Variants in GALNT13 observed in about 807,000 individuals in gnomAD.
GALNT13 encodes UDP-GalNAc:polypeptide N-acetylgalactosaminyltransferase 13.
A neutral mutation model predicts 64.2 loss-of-function variants in GALNT13; 28 were observed. The ratio of observed to expected loss-of-function variants is 0.44; its 90% CI spans 0.32 to 0.60. GALNT13 has a LOEUF of 0.60. Among genes scored for constraint, GALNT13 ranks in the 20% least tolerant of loss-of-function variants. The pLI is 0.05. For synonymous variants in GALNT13, 214 were observed against 224.6 expected (o/e 0.95, Z 0.42); for missense variants, 577 against 669.8 (o/e 0.86, Z 1.53).
At chr2:154,063,984 G>A (rs1198507694) in intron 3 of GALNT13, among the ~76,000 whole-genome samples, 1 of 152,172 alleles carries the variant, frequency 6.6e-6, no homozygotes, top group Admixed American at 6.5e-5. Context: ...ACAGAAGAGG[G>A]TAGGAAAGAA....
chr2:154,448,360 G>A (rs541249919), intron 12 of GALNT13, among the ~76,000 whole-genome samples: 2 of 152,036 alleles, frequency 1.3e-5, no homozygotes, highest in Non-Finnish European at 2.9e-5. Context: ...TTGACTGAAG[G>A]TCAAATTTTT....
intron 12 of GALNT13, among the ~76,000 whole-genome samples, chr2:154,448,140 A>C (rs957855460): frequency 3.9e-5 from 6 of 152,090 alleles, no homozygotes; most frequent in Non-Finnish European, 7.4e-5. Flanking sequence ...CCATAGGCCT[A>C]GCTTCCAGGA....
intron 9 of GALNT13, among the ~76,000 whole-genome samples, chr2:154,309,902 T>C (rs1559082839): frequency 6.6e-6 from 1 of 152,128 alleles, no homozygotes; most frequent in African/African-American, 2.4e-5. Flanking sequence ...GCCATGAACA[T>C]GGCCAAAAAG....
At chr2:154,136,156 A>G (rs995221822) in intron 3 of GALNT13, among the ~76,000 whole-genome samples, 1 of 152,240 alleles carries the variant, frequency 6.6e-6, no homozygotes, top group South Asian at 2.1e-4. Flanking sequence ...TGAAAGATCT[A>G]CAATGCCAAT....
At chr2:153,079,575 T>C in the GALNT13 span, among the ~76,000 whole-genome samples, 3 of 152,314 alleles carry the variant, frequency 2.0e-5, no homozygotes, top group South Asian at 6.2e-4. Context: ...TTAGAGTTAG[T>C]GTCAGGGAAA....
At chr2:153,261,656 C>T in the GALNT13 span, among the ~76,000 whole-genome samples, 1 of 152,126 alleles carries the variant, frequency 6.6e-6, no homozygotes, top group Non-Finnish European at 1.5e-5. Flanking sequence ...CTGGGTTTTG[C>T]CCAAGAACTC....
At chr2:153,759,634 C>T in the GALNT13 span, among the ~76,000 whole-genome samples, 3 of 152,026 alleles carry the variant, frequency 2.0e-5, no homozygotes, top group East Asian at 5.8e-4. Flanking sequence ...GTTGAATCAT[C>T]CTTGCATCCC....
At chr2:154,024,296 A>G (rs569317079) in intron 3 of GALNT13, among the ~76,000 whole-genome samples, 202 of 152,266 alleles carry the variant, frequency 1.3e-3, no homozygotes, top group Non-Finnish European at 2.1e-3. Context: ...GTGTTTTCCA[A>G]CTTGGTTGCA....
At chr2:153,568,225 ATTTG>A in the GALNT13 span, among the ~76,000 whole-genome samples, 639 of 152,084 alleles carry the variant, frequency 4.2e-3, 3 homozygotes, top group Admixed American at 9.0e-3. Context: ...GCTATTTTTT[ATTTG>A]TTTGTTTTTT....
chr2:153,864,180 C>G, the GALNT13 span, among the ~76,000 whole-genome samples: 12 of 152,216 alleles, frequency 7.9e-5, no homozygotes, highest in East Asian at 2.3e-3. Flanking sequence ...GCTGGCATTA[C>G]CACAAATTTT....
chr2:153,398,157 G>A, the GALNT13 span, among the ~76,000 whole-genome samples: 8 of 147,614 alleles, frequency 5.4e-5, no homozygotes, highest in African/African-American at 2.0e-4. Context: ...CCACCTATGA[G>A]TGAGAATATA....
chr2:153,239,688 G>T, the GALNT13 span, among the ~76,000 whole-genome samples: 1 of 152,158 alleles, frequency 6.6e-6, no homozygotes, highest in Admixed American at 6.5e-5. Flanking sequence ...ACTTAGTCAT[G>T]ATGAATAATC....
chr2:153,609,674 C>A, the GALNT13 span, among the ~76,000 whole-genome samples: 2 of 152,172 alleles, frequency 1.3e-5, no homozygotes, highest in Non-Finnish European at 2.9e-5. Flanking sequence ...AAGTAAGCCA[C>A]TTCCTGTGAC....
chr2:153,416,530 C>T, the GALNT13 span, among the ~76,000 whole-genome samples: 48 of 152,234 alleles, frequency 3.2e-4, no homozygotes, highest in African/African-American at 1.1e-3. Flanking sequence ...TTTGTTCTTG[C>T]TGTTTTGTAT....
the GALNT13 span, among the ~76,000 whole-genome samples, chr2:153,099,494 G>A: frequency 8.5e-5 from 13 of 152,146 alleles, no homozygotes; most frequent in African/African-American, 3.1e-4. Context: ...GATTTGTTAT[G>A]CGTTCTGCTA....
chr2:154,169,771 A>G (rs1225946828), intron 4 of GALNT13, among the ~76,000 whole-genome samples: 2 of 152,182 alleles, frequency 1.3e-5, no homozygotes, highest in African/African-American at 4.8e-5. Context: ...ATGAGGATCT[A>G]GGCAGCACAT....
the GALNT13 span, among the ~76,000 whole-genome samples, chr2:153,199,042 G>T: frequency 3.9e-4 from 60 of 152,130 alleles, no homozygotes; most frequent in African/African-American, 1.4e-3. Flanking sequence ...CCCTTTTGGG[G>T]TACTCTCAGA....
At chr2:153,339,271 T>C in the GALNT13 span, among the ~76,000 whole-genome samples, 1 of 152,214 alleles carries the variant, frequency 6.6e-6, no homozygotes, top group Admixed American at 6.5e-5. Flanking sequence ...TTCACATTCT[T>C]GCCAACACTT....
At chr2:154,109,489 G>A (rs1377429325) in intron 3 of GALNT13, among the ~76,000 whole-genome samples, 1 of 151,348 alleles carries the variant, frequency 6.6e-6, no homozygotes, top group African/African-American at 2.4e-5. Flanking sequence ...TTATTGCTCT[G>A]GCAAGGGTTT....
Sources: gnomAD v4.1 joint callset for allele counts (sites outside exome capture counted in the v4.1 genomes callset) on GRCh38, gnomAD v4.1.1 for gene constraint, MANE v1.5 for transcripts, NCBI Gene and HGNC (gene_info 2026-07-23, HGNC 2026-07-21) for gene names.